COLEC12: variants seen among roughly 807,000 people sequenced by gnomAD.
The protein encoded by COLEC12 is collectin-12.
In COLEC12, 33 loss-of-function variants were observed where a neutral mutation model predicts 71.1. That is an observed-to-expected ratio of 0.46 (90% CI 0.35 to 0.62). COLEC12 has a LOEUF of 0.62. COLEC12 is among the 20% of genes least tolerant of loss of function. The probability of loss-of-function intolerance (pLI) is 0.00; values close to 1 mark genes in which losing one functional copy is unlikely to be tolerated. For synonymous variants in COLEC12, 350 were observed against 353.0 expected, an observed-to-expected ratio of 0.99 and a Z score of 0.10; for missense variants, 765 against 916.1, an observed-to-expected ratio of 0.84 and a Z score of 2.13.
Position 444,128 on chromosome 18 carries a change from AAC to A in COLEC12, c.58+36577_58+36578del, listed in dbSNP as rs528259867. Among the ~76,000 whole-genome samples, 403 of 151,760 alleles carry A rather than the reference AAC, an allele frequency of 2.7e-3. 3 individuals carry two copies. Among genetic ancestry groups the A allele is most frequent in the African/African-American group, 9.0e-3 (375 of 41,516 alleles). On this transcript the variant is annotated intron_variant, in intron 2 of 9. Coordinates refer to ENST00000400256, the MANE Select transcript of COLEC12 (RefSeq NM_130386.3). ...CTTTACAGCAATGCAAGAATGGACTAACACAAGAGATCTCCAAACTTTTCCAT... is the reference window on the plus strand; with the variant it reads ...CTTTACAGCAATGCAAGAATGGACTAACAAGAGATCTCCAAACTTTTCCAT...
rs1555611658 is a variant in COLEC12 at position 317,988 on chromosome 18, TTC to T, written c.*2055_*2056del. On this transcript the variant is annotated 3_prime_UTR_variant, in exon 10 of 10. Coordinates refer to ENST00000400256, the MANE Select transcript of COLEC12 (RefSeq NM_130386.3). ...ACTCTGTCTTTATTCTTTTTTTTTT[TTC>T]TTTTTGAGATGAGTCTCGCTCTGTC... 6.6e-6 allele frequency: 1 copy of T among 151,796 alleles called. No individual in the cohort carries two copies. Among genetic ancestry groups the T allele is most frequent in the Non-Finnish European group, 1.5e-5 (1 of 67,954 alleles). The allele number at this position is 151,796 out of a possible 1,614,324, so 9.4% of individuals were successfully genotyped here. A position where few individuals can be genotyped will look rare whatever the true frequency, so the allele number is the denominator to read the frequency against.
At chr18:349,208 G>T (rs928189470) in intron 3 of COLEC12, among the ~76,000 whole-genome samples, 1 of 152,198 alleles carries the variant, frequency 6.6e-6, no homozygotes, top group Non-Finnish European at 1.5e-5. Context: ...GGGTCCCCAT[G>T]CTGTGTGCAG....
At chr18:479,794 C>A (rs536775452) in intron 2 of COLEC12, among the ~76,000 whole-genome samples, 1 of 152,076 alleles carries the variant, frequency 6.6e-6, no homozygotes, top group South Asian at 2.1e-4. Context: ...GAGTTTCCTG[C>A]GGCTGCTGTA....
intron 2 of COLEC12, among the ~76,000 whole-genome samples, chr18:397,525 C>A (rs1915596692): frequency 6.6e-6 from 1 of 152,130 alleles, no homozygotes; most frequent in African/African-American, 2.4e-5. Context: ...TGGCCAGCTG[C>A]TTGGCACATC....
intron 9 of COLEC12, among the ~76,000 whole-genome samples, chr18:320,333 A>G (rs1160046753): frequency 1.3e-5 from 2 of 152,180 alleles, no homozygotes; most frequent in Non-Finnish European, 2.9e-5. Flanking sequence ...AGCATACAAA[A>G]GACAAATCTG....
intron 2 of COLEC12, among the ~76,000 whole-genome samples, chr18:402,208 A>G (rs1288846654): frequency 1.3e-5 from 2 of 152,164 alleles, no homozygotes; most frequent in African/African-American, 4.8e-5. Context: ...CACTGGTTAC[A>G]GAATTTTCTG....
chr18:422,419 C>T (rs1383169689), intron 2 of COLEC12, among the ~76,000 whole-genome samples: 5 of 152,092 alleles, frequency 3.3e-5, no homozygotes, highest in African/African-American at 1.2e-4. Flanking sequence ...ATTTTTGTGC[C>T]ACTCAATTGA....
chr18:340,937 C>T (rs1452637075), intron 5 of COLEC12, among the ~76,000 whole-genome samples: 3 of 152,166 alleles, frequency 2.0e-5, no homozygotes, highest in African/African-American at 4.8e-5. Context: ...TGCCAATTGT[C>T]CATGGTCTGC....
intron 2 of COLEC12, among the ~76,000 whole-genome samples, chr18:456,426 G>A (rs1221784678): frequency 2.0e-5 from 3 of 152,162 alleles, no homozygotes; most frequent in Admixed American, 2.0e-4. Flanking sequence ...CCACACAGAT[G>A]AGACGCTTTA....
At chr18:358,616 G>T (rs1231513925) in intron 2 of COLEC12, among the ~76,000 whole-genome samples, 1 of 152,196 alleles carries the variant, frequency 6.6e-6, no homozygotes, top group Non-Finnish European at 1.5e-5. Flanking sequence ...GATGGGAAAT[G>T]GATGTAAATA....
intron 2 of COLEC12, among the ~76,000 whole-genome samples, chr18:479,724 GC>G (rs1917376523): frequency 6.6e-6 from 1 of 152,190 alleles, no homozygotes; most frequent in Non-Finnish European, 1.5e-5. Context: ...TCAAAGAGAA[GC>G]AAGGTCAAAG....
At chr18:488,881 G>GA (rs58356675) in intron 1 of COLEC12, among the ~76,000 whole-genome samples, 81,112 of 141,952 alleles carry the variant, frequency 0.57, 22,247 homozygotes, top group Middle Eastern at 0.67. Flanking sequence ...TCAAAAAAAA[G>GA]AAAAAAAAAA....
chr18:368,814 C>A lies in COLEC12; in HGVS notation c.59-11292G>T, dbSNP rs144589696. 7.3e-4 allele frequency among the ~76,000 whole-genome samples: 111 copies of A among 152,230 alleles called. 1 individual carries two copies. The highest frequency in any genetic ancestry group is 1.9e-3 in the African/African-American group (80 of 41,544). On this transcript the variant is annotated intron_variant, in intron 2 of 9. Coordinates refer to ENST00000400256, the MANE Select transcript of COLEC12 (RefSeq NM_130386.3). ...CCGGGAGGCGGAGCTTGCAGTGAGCCGAGATCACGTCACTGCACTCCAGCC... is the reference window on the plus strand; with the variant it reads ...CCGGGAGGCGGAGCTTGCAGTGAGCAGAGATCACGTCACTGCACTCCAGCC...
At position 408,651 on chromosome 18, in the gene COLEC12, A is replaced by G. The variant is rs1915834231; in HGVS notation, c.59-51129T>C. ...CAGGAAAATAAAAGCATGGGAGGAAAAAGATTTAAGGTTATTTCTTTAAGT... is the reference window on the plus strand; with the variant it reads ...CAGGAAAATAAAAGCATGGGAGGAAGAAGATTTAAGGTTATTTCTTTAAGT... On this transcript the variant is annotated intron_variant, in intron 2 of 9. Transcript: ENST00000400256. This position sits in a 1 kb window ranked among gnomAD's most constrained non-coding sequence, Gnocchi z 4.3. 6.6e-6 allele frequency among the ~76,000 whole-genome samples: 1 copy of G among 152,106 alleles called. No individual in the cohort carries two copies. The highest frequency in any genetic ancestry group is 6.6e-5 in the Admixed American group (1 of 15,266).
intron 7 of COLEC12, 40 bp downstream of exon 7, chr18:332,967 A>G: frequency 6.6e-7 from 1 of 1,507,948 alleles, no homozygotes; most frequent in African/African-American, 1.4e-5. Flanking sequence ...AACTATCCTT[A>G]AATTATAGTT....
chr18:448,165 T>A (rs1442239941), intron 2 of COLEC12, among the ~76,000 whole-genome samples: 1 of 152,252 alleles, frequency 6.6e-6, no homozygotes, highest in African/African-American at 2.4e-5. Context: ...CTCTTGAAAA[T>A]ATCACTTTTT....
At chr18:440,035 A>G (rs1288594037) in intron 2 of COLEC12, among the ~76,000 whole-genome samples, 1 of 151,562 alleles carries the variant, frequency 6.6e-6, no homozygotes, top group Non-Finnish European at 1.5e-5. Flanking sequence ...CATAAGAAAG[A>G]AGGAAATTCT....
intron 2 of COLEC12, among the ~76,000 whole-genome samples, chr18:426,449 T>C (rs920204971): frequency 3.9e-5 from 6 of 152,168 alleles, no homozygotes; most frequent in African/African-American, 1.4e-4. Flanking sequence ...CTCATAGACA[T>C]GAGTAAATTT....
At chr18:407,339 A>G (rs1915810514) in intron 2 of COLEC12, among the ~76,000 whole-genome samples, 1 of 152,194 alleles carries the variant, frequency 6.6e-6, no homozygotes, top group Non-Finnish European at 1.5e-5. Flanking sequence ...GGGATTTATT[A>G]TAAGGGATTG....
Sources: allele counts gnomAD v4.1 joint callset (sites outside exome capture counted in the v4.1 genomes callset), GRCh38; gene constraint gnomAD v4.1.1; non-coding constraint Gnocchi (gnomAD v3.1); transcripts MANE v1.5; gene names NCBI Gene and HGNC (gene_info 2026-07-23, HGNC 2026-07-21).